The following FLNB variants were observed in gnomAD, a reference collection of about 807,000 sequenced individuals.
FLNB encodes the protein filamin B.
A neutral mutation model predicts 250.6 loss-of-function variants in FLNB; 111 were observed. That is an observed-to-expected ratio of 0.44 (90% CI 0.38 to 0.52). The LOEUF (loss-of-function observed/expected upper bound fraction) is 0.52. Among genes scored for constraint, FLNB ranks in the 20% least tolerant of loss-of-function variants. FLNB has a pLI of 0.00. For missense variants in FLNB, 2,869 were observed against 3,447.8 expected (o/e 0.83, Z 4.20); for synonymous variants, 1,302 against 1,372.1 (o/e 0.95, Z 1.13).
At chr3:58,126,209 C>T (rs932652161) in intron 23 of FLNB, among the ~76,000 whole-genome samples, 3 of 152,028 alleles carry the variant, frequency 2.0e-5, no homozygotes, top group Non-Finnish European at 4.4e-5. Context: ...AAACCCCATC[C>T]CTACAAGAAA....
chr3:58,074,406 G>A (rs1347349328), intron 1 of FLNB, among the ~76,000 whole-genome samples: 1 of 152,084 alleles, frequency 6.6e-6, no homozygotes, highest in Non-Finnish European at 1.5e-5. Flanking sequence ...AAATGAGCTG[G>A]GAAATGGTTC....
chr3:58,015,859 G>A (rs1228054665), intron 1 of FLNB, among the ~76,000 whole-genome samples: 9 of 152,148 alleles, frequency 5.9e-5, no homozygotes, highest in African/African-American at 2.2e-4. Flanking sequence ...CTGGAGGAAG[G>A]GACCTTTCAG....
At chr3:58,064,265 C>G (rs1249717201) in intron 1 of FLNB, among the ~76,000 whole-genome samples, 1 of 152,116 alleles carries the variant, frequency 6.6e-6, no homozygotes, top group Non-Finnish European at 1.5e-5. Context: ...CTCAGCCTCC[C>G]AAATAGCTGG....
At position 58,134,727 on chromosome 3, in the gene FLNB, T is replaced by A. The variant is rs1268407715; in HGVS notation, c.4626T>A (p.Ile1542=). ...VPASLPVDFA[I]DARDAGEGLL... The stretch of plus-strand genomic sequence containing the variant: ...CCAGTCTACCTGTGGACTTTGCAAT[T>A]GATGCCCGAGATGCCGGGGAAGGCC... Residue 1542 remains isoleucine (I), a synonymous_variant, in exon 27 of 46, where the codon ATT becomes ATA. Transcript: ENST00000295956. 6.2e-7 allele frequency: 1 copy of A among 1,614,202 alleles called. No homozygotes were observed. Among genetic ancestry groups the A allele is most frequent in the Non-Finnish European group, 8.5e-7 (1 of 1,180,006 alleles).
Position 58,105,179 on chromosome 3 carries a change from C to T in FLNB, c.1710C>T (p.Phe570=), listed in dbSNP as rs551771569. The change falls in exon 11 of 46, where the codon TTC becomes TTT. Residue 570 remains phenylalanine, a synonymous_variant. Coordinates refer to ENST00000295956, the MANE Select transcript of FLNB (RefSeq NM_001457.4). The part of the protein sequence containing the change: ...HGGIVGRSAD[F]VVESIGSEVG... ...GGATTGTCGGGCGGTCAGCGGACTTCGTGGTAGAATCCATTGGCTCTGAAG... is the reference window on the plus strand; with the variant it reads ...GGATTGTCGGGCGGTCAGCGGACTTTGTGGTAGAATCCATTGGCTCTGAAG... The T allele has an allele frequency of 9.0e-5, 145 of 1,614,206 alleles. No individual in the cohort carries two copies. The South Asian group carries it at 1.5e-3, about 16-fold the overall frequency.
chr3:58,100,373 A>AAAAAAAAAAAAAATATATATATAT, intron 8 of FLNB, among the ~76,000 whole-genome samples: 1 of 104,386 alleles, frequency 9.6e-6, no homozygotes, highest in African/African-American at 4.6e-5. Context: ...GTAAAAAAAA[A>AAAAAAAAAAAAAATATATATATAT]ATATATATAT....
At chr3:58,029,644 C>T (rs1237139713) in intron 1 of FLNB, among the ~76,000 whole-genome samples, 2 of 151,874 alleles carry the variant, frequency 1.3e-5, no homozygotes, top group Non-Finnish European at 2.9e-5. Context: ...GCTGGGAATA[C>T]AGGCACCTGC....
chr3:58,032,713 G>A (rs904895685), intron 1 of FLNB, among the ~76,000 whole-genome samples: 25 of 152,170 alleles, frequency 1.6e-4, no homozygotes, highest in African/African-American at 5.8e-4. Context: ...CATCTAGTGG[G>A]ATGTGGTCTG....
intron 2 of FLNB, chr3:58,078,339 C>T: frequency 6.9e-7 from 1 of 1,449,166 alleles, no homozygotes; most frequent in Admixed American, 2.8e-5. Flanking sequence ...ATTTTTGAAT[C>T]ACACAGGATG....
chr3:58,094,942 G>GAACA lies in FLNB; in HGVS notation c.897_900dup (p.Glu301GlnfsTer9). On this transcript the variant is annotated frameshift_variant, in exon 5 of 46. Coordinates refer to ENST00000295956, the MANE Select transcript of FLNB (RefSeq NM_001457.4). LOFTEE classifies it high-confidence loss of function. ...TGGTGTTTGTTGAGGACCCAGAAGG[G>GAACA]AACAAAGAGGAGGTATGTTGGAGGA... The GAACA allele has an allele frequency of 1.2e-6, 2 of 1,613,398 alleles. No individual in the cohort carries two copies. Among genetic ancestry groups the GAACA allele is most frequent in the Non-Finnish European group, 1.7e-6 (2 of 1,179,286 alleles).
rs969357509 is a variant in FLNB, at chr3:58,056,101, A to T, written c.293-20945A>T. Among the ~76,000 whole-genome samples, 455 of 131,110 alleles carry T rather than the reference A, an allele frequency of 3.5e-3. 1 individual carries two copies. Among genetic ancestry groups the T allele is most frequent in the African/African-American group, 8.3e-3 (208 of 24,990 alleles). The allele number at this position is 131,110 out of a possible 152,430, so 86.0% of individuals were successfully genotyped here. ...TATTTATTTATTTATTTATTTATTT[A>T]TTTATTTTTTTTTTTTTTGAGGTGG... On this transcript the variant is annotated intron_variant, in intron 1 of 45. Transcript: ENST00000295956.
chr3:58,131,465 T>A lies in FLNB; in HGVS notation c.4390+557T>A, dbSNP rs141806811. Among the ~76,000 whole-genome samples, 182 of 152,314 alleles carry A rather than the reference T, an allele frequency of 1.2e-3. 1 individual carries two copies. The highest frequency in any genetic ancestry group is 4.3e-3 in the African/African-American group (178 of 41,562). On this transcript the variant is annotated intron_variant, in intron 25 of 45. Transcript: ENST00000295956. The stretch of plus-strand genomic sequence containing the variant: ...TGGGTTTGGTAAGGCTAGCGGGCCA[T>A]ATAGGGACAAAGCCCTGAAGTGCAT...
chr3:58,166,050 C>T (rs1166320179), intron 43 of FLNB: 1 of 152,134 alleles, frequency 6.6e-6, no homozygotes, highest in African/African-American at 2.4e-5. Flanking sequence ...AATCCCAGTT[C>T]TGCTGGTCCC....
intron 1 of FLNB, among the ~76,000 whole-genome samples, chr3:58,036,338 A>T (rs2097138087): frequency 6.6e-6 from 1 of 152,242 alleles, no homozygotes; most frequent in South Asian, 2.1e-4. Context: ...TTGTTACTGA[A>T]ATCAGTCTCC....
At chr3:58,130,610 A>T (rs1468654385) in intron 24 of FLNB, 131 bp from the exon 25 acceptor site, 4 of 803,180 alleles carry the variant, frequency 5.0e-6, no homozygotes, top group Non-Finnish European at 8.4e-6. Flanking sequence ...CAGTGCACAC[A>T]GTGAGGCAGG....
At chr3:58,084,564 A>ATT (rs11440460) in intron 4 of FLNB, among the ~76,000 whole-genome samples, 36 of 150,408 alleles carry the variant, frequency 2.4e-4, no homozygotes, top group South Asian at 1.1e-3. Context: ...TTAAAAAAAA[A>ATT]TTTTTTTTTA....
intron 1 of FLNB, among the ~76,000 whole-genome samples, chr3:58,023,087 C>G (rs1405989623): frequency 1.4e-5 from 2 of 146,310 alleles, no homozygotes; most frequent in Non-Finnish European, 3.0e-5. Flanking sequence ...GTGCTGGGAT[C>G]AGGCTTGAGC....
At position 58,148,319 on chromosome 3, in the gene FLNB, C is replaced by G. The variant is rs775301566; in HGVS notation, c.5842C>G (p.Arg1948Gly). ...GGCCAGCATTAAGGCCCCATCTGGC[C>G]GAGACGAGCCCTGTCTCCTGAAGAG... ...LTASIKAPSG[R>G]DEPCLLKRLP... Residue 1948 changes from arginine to glycine, a missense_variant, in exon 35 of 46, where the codon CGA becomes GGA. Transcript: ENST00000295956. 1.2e-6 allele frequency: 2 copies of G among 1,613,860 alleles called. No homozygotes were observed. The highest frequency in any genetic ancestry group is 1.7e-6 in the Non-Finnish European group (2 of 1,179,986).
chr3:58,021,737 C>T (rs1159407401), intron 1 of FLNB, among the ~76,000 whole-genome samples: 1 of 152,104 alleles, frequency 6.6e-6, no homozygotes, highest in African/African-American at 2.4e-5. Flanking sequence ...CAAAGTTGGG[C>T]ATGAGGTCCT....
Sources: allele counts gnomAD v4.1 joint callset (sites outside exome capture counted in the v4.1 genomes callset), GRCh38; gene constraint gnomAD v4.1.1; transcripts MANE v1.5; gene names NCBI Gene and HGNC (gene_info 2026-07-23, HGNC 2026-07-21).